The following DLGAP2 variants were observed in gnomAD, a reference collection of about 807,000 sequenced individuals.
The protein encoded by DLGAP2 is DLG associated protein 2.
In DLGAP2, 26 loss-of-function variants were observed where a neutral mutation model predicts 100.3. That is an observed-to-expected ratio of 0.26 (90% CI 0.19 to 0.36). The LOEUF is 0.36. DLGAP2 is among the 10% of genes least tolerant of loss of function. The probability of loss-of-function intolerance (pLI) is 1.00; values close to 1 mark genes in which losing one functional copy is unlikely to be tolerated. For synonymous variants in DLGAP2, 886 were observed against 630.1 expected (o/e 1.41, Z -6.08); for missense variants, 1,858 against 1,453.2 (o/e 1.28, Z -4.53).
chr8:1,694,537 CTT>C (rs1005246789), intron 13 of DLGAP2, among the ~76,000 whole-genome samples: 1 of 152,026 alleles, frequency 6.6e-6, no homozygotes, highest in Non-Finnish European at 1.5e-5. Flanking sequence ...CCGGAAATAA[CTT>C]AACCTCAAAG....
intron 8 of DLGAP2, among the ~76,000 whole-genome samples, chr8:1,633,935 C>T (rs1247425122): frequency 2.6e-5 from 4 of 152,326 alleles, no homozygotes; most frequent in Non-Finnish European, 5.9e-5. Context: ...GAAATTCAGG[C>T]AGGAGTGTGT....
rs1467893524 is a variant in DLGAP2 at position 1,258,923 on chromosome 8, C to T, written c.106+40C>T. 1.8e-5 allele frequency: 22 copies of T among 1,231,120 alleles called. No homozygotes were observed. In the Admixed American group the frequency reaches 8.0e-4, roughly 45 times the overall value. The allele number at this position is 1,231,120 out of a possible 1,614,324, so 76.3% of individuals were successfully genotyped here. A position where few individuals can be genotyped will look rare whatever the true frequency, so the allele number is the denominator to read the frequency against. ...TGCTGCCTGGGGTGGGCGGGGGCCG[C>T]GCGGCTCACAGGTGTGTGGCTGGCA... On this transcript the variant is annotated intron_variant, in intron 3 of 14. Transcript: ENST00000637795.
intron 4 of DLGAP2, among the ~76,000 whole-genome samples, chr8:1,526,940 C>T (rs959158492): frequency 6.6e-5 from 10 of 152,244 alleles, no homozygotes; most frequent in Non-Finnish European, 2.9e-5. Context: ...GCAAAGGAAA[C>T]GTGGTGTGGC....
At chr8:782,672 C>T (rs1821729692) in intron 1 of DLGAP2, among the ~76,000 whole-genome samples, 2 of 152,174 alleles carry the variant, frequency 1.3e-5, no homozygotes. Context: ...GGGCCCCCAC[C>T]CCTGAACACT....
At chr8:903,141 C>T (rs1039499108) in intron 1 of DLGAP2, among the ~76,000 whole-genome samples, 1 of 151,990 alleles carries the variant, frequency 6.6e-6, no homozygotes, top group Non-Finnish European at 1.5e-5. Flanking sequence ...TTGTCGCCTC[C>T]ATGCTCTTTA....
chr8:1,252,629 T>A (rs1470836630), intron 2 of DLGAP2, among the ~76,000 whole-genome samples: 6 of 152,280 alleles, frequency 3.9e-5, no homozygotes, highest in African/African-American at 1.4e-4. Flanking sequence ...CCTATTCACA[T>A]ATTCTTGACA....
intron 3 of DLGAP2, among the ~76,000 whole-genome samples, chr8:1,466,710 T>G (rs554981068): frequency 3.0e-4 from 45 of 152,290 alleles, no homozygotes; most frequent in Non-Finnish European, 4.7e-4. Flanking sequence ...AGAGGCTGTG[T>G]GTGCCATGCA....
chr8:1,188,818 G>C (rs1362589025), intron 2 of DLGAP2, among the ~76,000 whole-genome samples: 1 of 146,062 alleles, frequency 6.8e-6, no homozygotes, highest in Admixed American at 6.6e-5. Flanking sequence ...TGCGTCCTCA[G>C]GATGTGCCTT....
chr8:1,070,443 T>A (rs527441316), intron 2 of DLGAP2, among the ~76,000 whole-genome samples: 1 of 152,278 alleles, frequency 6.6e-6, no homozygotes, highest in Non-Finnish European at 1.5e-5. Context: ...TGCTCTTGCT[T>A]CTGCCATTTA....
intron 2 of DLGAP2, among the ~76,000 whole-genome samples, chr8:1,112,394 C>A (rs374051514): frequency 6.6e-6 from 1 of 152,036 alleles, no homozygotes; most frequent in Non-Finnish European, 1.5e-5. Context: ...GCATCCACCA[C>A]TACACCCGGC....
chr8:866,522 C>T lies in DLGAP2; in HGVS notation c.19-41390C>T, dbSNP rs992331104. ...CCCACCTTCTGGTAAACTCACTTCTCGAGGGCCTGGCCTGTCAGTTGATTC... is the reference window on the plus strand; with the variant it reads ...CCCACCTTCTGGTAAACTCACTTCTTGAGGGCCTGGCCTGTCAGTTGATTC... On this transcript the variant is annotated intron_variant, in intron 1 of 14. Transcript: ENST00000637795. Among the ~76,000 whole-genome samples, 5 of 152,210 alleles carry T rather than the reference C, an allele frequency of 3.3e-5. 1 individual carries two copies. The highest frequency in any genetic ancestry group is 3.9e-4 in the East Asian group (2 of 5,160).
chr8:1,432,969 G>T (rs1797495836), intron 3 of DLGAP2, among the ~76,000 whole-genome samples: 2 of 152,162 alleles, frequency 1.3e-5, no homozygotes, highest in African/African-American at 4.8e-5. Context: ...CTGTGCTGCT[G>T]ACTGCTCCAG....
At chr8:1,319,683 C>G (rs1404018487) in intron 3 of DLGAP2, among the ~76,000 whole-genome samples, 1 of 152,146 alleles carries the variant, frequency 6.6e-6, no homozygotes, top group African/African-American at 2.4e-5. Context: ...GGGAAAGCCT[C>G]TCTGAGGAGT....
intron 3 of DLGAP2, among the ~76,000 whole-genome samples, chr8:1,459,230 TGC>T (rs1798404862): frequency 2.2e-5 from 3 of 134,236 alleles, no homozygotes; most frequent in Non-Finnish European, 4.9e-5. Flanking sequence ...AAGACCAGCG[TGC>T]GTCCCAGACA....
intron 2 of DLGAP2, among the ~76,000 whole-genome samples, chr8:936,275 C>T (rs551134034): frequency 1.0e-3 from 155 of 152,212 alleles, no homozygotes; most frequent in African/African-American, 3.6e-3. Flanking sequence ...GAAGGGGACC[C>T]AAGGGGGCTC....
intron 2 of DLGAP2, among the ~76,000 whole-genome samples, chr8:1,038,882 T>C (rs1380314988): frequency 6.6e-6 from 1 of 152,228 alleles, no homozygotes; most frequent in African/African-American, 2.4e-5. Context: ...CTCAGTGTCA[T>C]ATTACATCAA....
At chr8:971,640 C>G (rs1033206882) in intron 2 of DLGAP2, among the ~76,000 whole-genome samples, 5 of 152,160 alleles carry the variant, frequency 3.3e-5, no homozygotes, top group African/African-American at 1.2e-4. Context: ...CCAGGTTGCT[C>G]AGGTGAAGAT....
intron 2 of DLGAP2, among the ~76,000 whole-genome samples, chr8:1,130,830 G>T (rs1028794859): frequency 7.1e-6 from 1 of 140,512 alleles, no homozygotes; most frequent in East Asian, 1.9e-4. Flanking sequence ...AGAGACCGGA[G>T]ATGGGCCTCC....
chr8:1,483,664 G>GCAGGGAGGCAGGTGCAGGAGGTGGGGAA (rs1799163620), intron 3 of DLGAP2, among the ~76,000 whole-genome samples: 1 of 121,996 alleles, frequency 8.2e-6, no homozygotes, highest in African/African-American at 3.5e-5. Context: ...TCTACACAGA[G>GCAGGGAGGCAGGTGCAGGAGGTGGGGAA]CAGGGAGGCA....
Sources: allele counts gnomAD v4.1 joint callset (sites outside exome capture counted in the v4.1 genomes callset), GRCh38; gene constraint gnomAD v4.1.1; transcripts MANE v1.5; gene names NCBI Gene and HGNC (gene_info 2026-07-23, HGNC 2026-07-21).